The following ALCAM variants were observed in gnomAD, a reference collection of about 807,000 sequenced individuals.
ALCAM encodes CD166 antigen.
ALCAM carries 30 observed loss-of-function variants against 70.9 expected under a neutral mutation model. The observed-to-expected ratio is 0.42, with a 90% CI of 0.32 to 0.57. The LOEUF (loss-of-function observed/expected upper bound fraction) is 0.57, where lower values mean the gene tolerates loss of function less well. Among genes scored for constraint, ALCAM ranks in the 20% least tolerant of loss-of-function variants. The pLI is 0.11. For missense variants in ALCAM, 591 were observed against 695.1 expected, an observed-to-expected ratio of 0.85 and a Z score of 1.68; for synonymous variants, 249 against 242.5, an observed-to-expected ratio of 1.03 and a Z score of -0.25.
At position 105,489,617 on chromosome 3, in the gene ALCAM, A is replaced by G. The variant is rs368042238; in HGVS notation, c.74-30450A>G. Among the ~76,000 whole-genome samples the G allele has an allele frequency of 7.9e-5, 12 of 152,356 alleles. No homozygotes were observed. In the South Asian group the frequency reaches 2.1e-3, roughly 26 times the overall value. ...TAGAAAAATTGTCATCTAAAATGTC[A>G]AAGCATGTTTTGTTAATATAATTAT... On this transcript the variant is annotated intron_variant, in intron 1 of 15. Coordinates refer to ENST00000306107, the MANE Select transcript of ALCAM (RefSeq NM_001627.4).
intron 1 of ALCAM, among the ~76,000 whole-genome samples, chr3:105,436,406 G>A (rs1016335056): frequency 1.3e-5 from 2 of 151,954 alleles, no homozygotes; most frequent in Non-Finnish European, 2.9e-5. Context: ...GCAGTGGTGC[G>A]ATCTTGGCTC....
intron 1 of ALCAM, among the ~76,000 whole-genome samples, chr3:105,380,426 C>A (rs907009321): frequency 1.3e-5 from 2 of 151,634 alleles, no homozygotes; most frequent in African/African-American, 4.8e-5. Flanking sequence ...TGTGTGTGAC[C>A]CTGACAATTC....
At chr3:105,507,278 A>T (rs927914992) in intron 1 of ALCAM, among the ~76,000 whole-genome samples, 1 of 151,860 alleles carries the variant, frequency 6.6e-6, no homozygotes, top group Admixed American at 6.6e-5. Context: ...ATACATTATT[A>T]TTGACTATAG....
At chr3:105,574,450 A>T (rs1334554247) in intron 15 of ALCAM, 27 bp from the exon 16 acceptor site, 2 of 148,606 alleles carry the variant, frequency 1.3e-5, no homozygotes, top group Non-Finnish European at 3.0e-5. Context: ...TTGGAAGCTT[A>T]TCTAAATTAT....
chr3:105,428,073 T>C (rs1436010844), intron 1 of ALCAM, among the ~76,000 whole-genome samples: 2 of 152,034 alleles, frequency 1.3e-5, no homozygotes, highest in Non-Finnish European at 2.9e-5. Context: ...ATATCTGAAC[T>C]AAATATTTGA....
intron 14 of ALCAM, among the ~76,000 whole-genome samples, chr3:105,558,922 T>C (rs1013981043): frequency 3.3e-5 from 5 of 151,970 alleles, no homozygotes; most frequent in Admixed American, 2.0e-4. Flanking sequence ...TTGTCTAAGA[T>C]CTTGGAGCTC....
At chr3:105,471,497 T>C (rs1422742716) in intron 1 of ALCAM, among the ~76,000 whole-genome samples, 1 of 151,308 alleles carries the variant, frequency 6.6e-6, no homozygotes, top group Non-Finnish European at 1.5e-5. Context: ...GACTTCATTT[T>C]AGATTAGTTA....
chr3:105,404,223 T>C (rs918154400), intron 1 of ALCAM, among the ~76,000 whole-genome samples: 5 of 152,020 alleles, frequency 3.3e-5, no homozygotes, highest in African/African-American at 4.8e-5. Context: ...CATCCAAAGA[T>C]GAGAAGCTCA....
intron 1 of ALCAM, among the ~76,000 whole-genome samples, chr3:105,459,009 A>C (rs1937569203): frequency 6.6e-6 from 1 of 152,286 alleles, no homozygotes; most frequent in African/African-American, 2.4e-5. Context: ...TTATTCACAC[A>C]AATTTTTGTT....
At chr3:105,454,653 ATTTTTTTTTTTTTTTTTTT>A (rs59389132) in intron 1 of ALCAM, among the ~76,000 whole-genome samples, 21 of 61,796 alleles carry the variant, frequency 3.4e-4, no homozygotes, top group Admixed American at 2.3e-3. Flanking sequence ...ATGCTCATTA[ATTTTTTTTTTTTTTTTTTT>A]TTTTTTTTTT....
At chr3:105,430,773 G>A (rs1264709663) in intron 1 of ALCAM, among the ~76,000 whole-genome samples, 2 of 152,024 alleles carry the variant, frequency 1.3e-5, no homozygotes, top group Non-Finnish European at 1.5e-5. Flanking sequence ...TGAGTGTGGA[G>A]CATTTACTTA....
At chr3:105,389,324 T>C (rs1404269448) in intron 1 of ALCAM, among the ~76,000 whole-genome samples, 1 of 143,058 alleles carries the variant, frequency 7.0e-6, no homozygotes, top group African/African-American at 2.5e-5. Flanking sequence ...GAATGTGTTT[T>C]GAAACACACA....
At chr3:105,439,343 T>C (rs1001144393) in intron 1 of ALCAM, 2 of 152,302 alleles carry the variant, frequency 1.3e-5, no homozygotes, top group East Asian at 1.9e-4. Context: ...AGAGCAGTCA[T>C]TATTTGAATG....
intron 6 of ALCAM, among the ~76,000 whole-genome samples, chr3:105,539,469 A>C (rs1431669890): frequency 6.6e-6 from 1 of 152,056 alleles, no homozygotes; most frequent in Non-Finnish European, 1.5e-5. Flanking sequence ...TTTTTTAAGC[A>C]GATCTTCTCT....
At chr3:105,474,223 C>A (rs138008837) in intron 1 of ALCAM, among the ~76,000 whole-genome samples, 19 of 151,812 alleles carry the variant, frequency 1.3e-4, no homozygotes, top group African/African-American at 4.1e-4. Flanking sequence ...TGTTCTGTTA[C>A]TTGCCCTCCC....
chr3:105,401,545 T>A (rs1322203462), intron 1 of ALCAM, among the ~76,000 whole-genome samples: 1 of 152,188 alleles, frequency 6.6e-6, no homozygotes, highest in Non-Finnish European at 1.5e-5. Context: ...TTATATGTTA[T>A]CAGCATGGAA....
intron 1 of ALCAM, among the ~76,000 whole-genome samples, chr3:105,390,058 T>C (rs777763564): frequency 1.3e-5 from 2 of 151,940 alleles, no homozygotes; most frequent in African/African-American, 2.4e-5. Flanking sequence ...CCTGTGCATG[T>C]ATCTTTATAA....
chr3:105,565,982 TC>T (rs1940734050), intron 14 of ALCAM, among the ~76,000 whole-genome samples: 1 of 152,226 alleles, frequency 6.6e-6, no homozygotes, highest in Non-Finnish European at 1.5e-5. Context: ...AGAAAATACT[TC>T]CAGGCACAAA....
Position 105,563,667 on chromosome 3 carries a change from CTTTTTTTTTTTTTTT to C in ALCAM, c.1665-8168_1665-8154del, listed in dbSNP as rs749625480. ...GACCTGTATGAAATTCCAAGCATTT[CTTTTTTTTTTTTTTT>C]TTTTTTTTTTTTTTTTGAGACGGAG... is the stretch of plus-strand genomic sequence containing the variant. On this transcript the variant is annotated intron_variant, in intron 14 of 15. Transcript: ENST00000306107. 6.9e-4 allele frequency among the ~76,000 whole-genome samples: 36 copies of C among 52,050 alleles called. 1 individual carries two copies. Among genetic ancestry groups the C allele is most frequent in the African/African-American group, 3.1e-3 (31 of 9,900 alleles). The allele number at this position is 52,050 out of a possible 152,430, so 34.1% of individuals were successfully genotyped here.
Sources: allele counts gnomAD v4.1 joint callset (sites outside exome capture counted in the v4.1 genomes callset), GRCh38; gene constraint gnomAD v4.1.1; transcripts MANE v1.5; gene names NCBI Gene and HGNC (gene_info 2026-07-23, HGNC 2026-07-21).